Variants in AAMDC observed in about 807,000 individuals in gnomAD.
AAMDC encodes adipogenesis associated Mth938 domain containing, also known as mth938 domain-containing protein.
In AAMDC, 16 loss-of-function variants were observed where a neutral mutation model predicts 15.5. The ratio of observed to expected loss-of-function variants is 1.03; its 90% confidence interval spans 0.70 to 1.57. AAMDC has a LOEUF of 1.57. Among genes scored for constraint, AAMDC ranks in the 40% most tolerant of loss-of-function variants. The pLI, the probability that AAMDC is intolerant of heterozygous loss-of-function variation, is 0.00. For missense variants in AAMDC, 141 were observed against 144.9 expected (o/e 0.97, Z 0.14); for synonymous variants, 51 against 51.6 (o/e 0.99, Z 0.05).
intron 1 of AAMDC, among the ~76,000 whole-genome samples, chr11:77,827,080 G>A (rs949421321): frequency 3.3e-5 from 5 of 151,426 alleles, no homozygotes; most frequent in Non-Finnish European, 5.9e-5. Flanking sequence ...ACTTCAGCCT[G>A]GGTGACAGAG....
chr11:77,878,492 G>C (rs1037201838), intron 5 of AAMDC, among the ~76,000 whole-genome samples: 2 of 152,058 alleles, frequency 1.3e-5, no homozygotes, highest in Admixed American at 6.6e-5. Context: ...AGGTCCTTCA[G>C]CAACTGTCAA....
At chr11:77,904,882 T>C (rs1459449128), downstream of AAMDC, among the ~76,000 whole-genome samples, 8 of 152,226 alleles carry the variant, frequency 5.3e-5, no homozygotes, top group Admixed American at 4.6e-4. Context: ...CATGTTATTG[T>C]CTTTATTTGG....
intron 2 of AAMDC, among the ~76,000 whole-genome samples, chr11:77,857,395 G>C (rs1950666212): frequency 6.6e-6 from 1 of 152,138 alleles, no homozygotes; most frequent in Non-Finnish European, 1.5e-5. Flanking sequence ...GAAAATGCTG[G>C]AGTAGAATCA....
At chr11:77,856,123 A>G (rs1950611744) in intron 2 of AAMDC, among the ~76,000 whole-genome samples, 1 of 152,152 alleles carries the variant, frequency 6.6e-6, no homozygotes, top group South Asian at 2.1e-4. Context: ...GTCTCAAAAA[A>G]AAGAAGAAAG....
chr11:77,876,698 T>A (rs1951603954), downstream of AAMDC, among the ~76,000 whole-genome samples: 9 of 152,136 alleles, frequency 5.9e-5, no homozygotes. Flanking sequence ...AGTGCATGTC[T>A]ACCTTTGATG....
At chr11:77,883,521 G>GT in intron 5 of AAMDC, among the ~76,000 whole-genome samples, 5 of 152,302 alleles carry the variant, frequency 3.3e-5, no homozygotes, top group Admixed American at 3.3e-4. Flanking sequence ...CAAGTCGGTG[G>GT]CAGTTAGGAT....
rs765873253 is a variant in AAMDC at position 77,869,813 on chromosome 11, T to C, written c.224T>C (p.Leu75Ser). 2 of 1,613,506 alleles carry C rather than the reference T, an allele frequency of 1.2e-6. No individual in the cohort carries two copies. Among genetic ancestry groups the C allele is most frequent in the East Asian group, 2.2e-5 (1 of 44,872 alleles). The change falls in exon 3 of 4, where the codon TTG becomes TCG. Residue 75 changes from leucine (L) to serine (S), a missense_variant. Physicochemically the swap from Leu to Ser is moderately radical, Grantham distance 145 (BLOSUM62 -2). Coordinates refer to ENST00000393427, the MANE Select transcript of AAMDC (RefSeq NM_024684.4). ...LVIGRGMSEA[L>S]KVPSSTVEYL... is the part of the protein sequence containing the mutation. ...ATTGGCCGAGGGATGAGTGAGGCCT[T>C]GAAGGTAGGTGTTGGTATGCACAGC...
At chr11:77,878,885 G>T in intron 5 of AAMDC, 1 of 1,231,150 alleles carries the variant, frequency 8.1e-7, no homozygotes, top group Non-Finnish European at 1.2e-6. Context: ...AGTGCTTCAG[G>T]CTTGGCTCAT....
intron 2 of AAMDC, among the ~76,000 whole-genome samples, chr11:77,858,132 C>T (rs115833379): frequency 0.012 from 1,876 of 151,680 alleles, 36 homozygotes; most frequent in African/African-American, 0.042. Context: ...AATCCTGTCG[C>T]GTCAGCCTCC....
chr11:77,832,953 G>A (rs776184891), intron 1 of AAMDC, among the ~76,000 whole-genome samples: 270 of 5,026 alleles, frequency 0.054, 1 homozygote, highest in African/African-American at 0.17. Flanking sequence ...ATATATATAT[G>A]TGTGTGTGTG....
chr11:77,835,850 G>A (rs1402521510), intron 1 of AAMDC, among the ~76,000 whole-genome samples: 1 of 152,154 alleles, frequency 6.6e-6, no homozygotes, highest in Non-Finnish European at 1.5e-5. Flanking sequence ...GGAGGTTGCA[G>A]TGAGCCGAGA....
At chr11:77,838,806 C>A (rs561103537) in intron 1 of AAMDC, among the ~76,000 whole-genome samples, 1 of 151,772 alleles carries the variant, frequency 6.6e-6, no homozygotes, top group Non-Finnish European at 1.5e-5. Context: ...TTAGTAGAGA[C>A]GGAGTTTCAC....
chr11:77,877,032 T>G (rs1951615699), downstream of AAMDC: 2 of 702,958 alleles, frequency 2.8e-6, no homozygotes, highest in Admixed American at 2.0e-5. Context: ...TGGCACATCC[T>G]TGAGAGATGC....
At chr11:77,823,942 A>G (rs1949055978) in intron 1 of AAMDC, among the ~76,000 whole-genome samples, 1 of 151,972 alleles carries the variant, frequency 6.6e-6, no homozygotes, top group African/African-American at 2.4e-5. Flanking sequence ...CTTTATTACT[A>G]TAGTTTTCTT....
chr11:77,889,379 C>T (rs1024260256), intron 5 of AAMDC, among the ~76,000 whole-genome samples: 1 of 144,490 alleles, frequency 6.9e-6, no homozygotes, highest in African/African-American at 2.6e-5. Flanking sequence ...GGGAACATCA[C>T]ACCCCGGGGA....
downstream of AAMDC, among the ~76,000 whole-genome samples, chr11:77,874,691 T>C (rs911134787): frequency 2.6e-5 from 4 of 152,164 alleles, no homozygotes; most frequent in South Asian, 2.1e-4. Flanking sequence ...AGTTTGTAGG[T>C]AGAACAGCCC....
intron 1 of AAMDC, among the ~76,000 whole-genome samples, chr11:77,821,952 C>T (rs1020072097): frequency 6.6e-6 from 1 of 151,924 alleles, no homozygotes; most frequent in Non-Finnish European, 1.5e-5. Flanking sequence ...CTACATCATA[C>T]GGTATTACTA....
At chr11:77,832,530 TG>T (rs1555006782) in intron 1 of AAMDC, among the ~76,000 whole-genome samples, 2 of 152,034 alleles carry the variant, frequency 1.3e-5, no homozygotes, top group Non-Finnish European at 1.5e-5. Flanking sequence ...TTCTCCATGT[TG>T]GTCAGGCTGG....
At chr11:77,859,792 GT>G (rs1950798496) in intron 2 of AAMDC, among the ~76,000 whole-genome samples, 1 of 152,162 alleles carries the variant, frequency 6.6e-6, no homozygotes, top group Non-Finnish European at 1.5e-5. Flanking sequence ...TTTCTTCATT[GT>G]CTGGAAGAAA....
Sources: gnomAD v4.1 joint callset for allele counts (sites outside exome capture counted in the v4.1 genomes callset) on GRCh38, gnomAD v4.1.1 for gene constraint, MANE v1.5 for transcripts, NCBI Gene and HGNC (gene_info 2026-07-23, HGNC 2026-07-21) for gene names.